NTM: variants seen among roughly 807,000 people sequenced by gnomAD.
NTM encodes the protein neurotrimin.
Under a neutral mutation model 42.1 loss-of-function variants are expected in NTM, and 13 were observed. That is an observed-to-expected ratio of 0.31 (90% CI 0.20 to 0.49). The LOEUF is 0.49. Among genes scored for constraint, NTM ranks in the 20% least tolerant of loss-of-function variants. The pLI, the probability that NTM is intolerant of heterozygous loss-of-function variation, is 0.99. For missense variants in NTM, 373 were observed against 452.8 expected (o/e 0.82, Z 1.60); for synonymous variants, 187 against 179.2 (o/e 1.04, Z -0.35).
chr11:131,562,232 G>C (rs1046468527), intron 1 of NTM, among the ~76,000 whole-genome samples: 3 of 152,106 alleles, frequency 2.0e-5, no homozygotes, highest in African/African-American at 7.2e-5. Context: ...CATCCGCAGT[G>C]GGGGAGGTGA....
At chr11:131,441,654 T>C (rs974045093) in intron 1 of NTM, among the ~76,000 whole-genome samples, 9 of 152,170 alleles carry the variant, frequency 5.9e-5, no homozygotes, top group African/African-American at 2.2e-4. Context: ...CAAACCCATA[T>C]GAATGAATTT....
chr11:132,075,883 G>T (rs1466923931), intron 2 of NTM, among the ~76,000 whole-genome samples: 1 of 152,152 alleles, frequency 6.6e-6, no homozygotes, highest in Non-Finnish European at 1.5e-5. Context: ...AAAATTGGCT[G>T]AAAATCTAAT....
chr11:132,118,500 C>T (rs1277835061), intron 2 of NTM, among the ~76,000 whole-genome samples: 1 of 152,232 alleles, frequency 6.6e-6, no homozygotes, highest in African/African-American at 2.4e-5. Flanking sequence ...CGCAATCGCA[C>T]AGCACATAAA....
At chr11:131,842,091 A>C (rs1527774) in intron 1 of NTM, among the ~76,000 whole-genome samples, 7,024 of 152,310 alleles carry the variant, frequency 0.046, 539 homozygotes, top group African/African-American at 0.16. Context: ...GCACCTTGAG[A>C]GAACCTCAGT....
At chr11:131,482,904 G>A (rs12221635) in intron 1 of NTM, among the ~76,000 whole-genome samples, 4,176 of 152,228 alleles carry the variant, frequency 0.027, 169 homozygotes, top group East Asian at 0.19. Context: ...TGGGTCCTGG[G>A]AAAAAGGAAG....
intron 1 of NTM, among the ~76,000 whole-genome samples, chr11:131,690,935 C>G (rs974844943): frequency 6.6e-6 from 1 of 152,174 alleles, no homozygotes; most frequent in Non-Finnish European, 1.5e-5. Context: ...CTGCCTTGAT[C>G]GAAACCCAGG....
chr11:132,200,824 G>A (rs774682471), intron 3 of NTM, among the ~76,000 whole-genome samples: 4 of 152,138 alleles, frequency 2.6e-5, no homozygotes, highest in Non-Finnish European at 4.4e-5. Context: ...TATTACCTGA[G>A]TATCTCTTAA....
At chr11:131,824,958 G>A (rs2041956286) in intron 1 of NTM, among the ~76,000 whole-genome samples, 1 of 152,166 alleles carries the variant, frequency 6.6e-6, no homozygotes, top group Admixed American at 6.5e-5. Context: ...GTTTGCTAGG[G>A]CTGCTGTAGT....
At chr11:132,311,042 G>A (rs1463972593) in intron 6 of NTM, among the ~76,000 whole-genome samples, 1 of 152,180 alleles carries the variant, frequency 6.6e-6, no homozygotes, top group African/African-American at 2.4e-5. Flanking sequence ...GGTGTATGTG[G>A]GGTGGAGTAA....
intron 1 of NTM, among the ~76,000 whole-genome samples, chr11:131,468,541 T>C (rs1200160731): frequency 1.3e-5 from 2 of 152,248 alleles, no homozygotes; most frequent in East Asian, 1.9e-4. Flanking sequence ...TTTGGTTTTT[T>C]TGTGAGTTTT....
At chr11:132,016,123 T>C (rs1022958035) in intron 2 of NTM, among the ~76,000 whole-genome samples, 2 of 151,466 alleles carry the variant, frequency 1.3e-5, no homozygotes, top group African/African-American at 4.8e-5. Context: ...CACGCAAGGG[T>C]GTTGAATTTT....
intron 8 of NTM, among the ~76,000 whole-genome samples, chr11:132,331,292 G>A (rs1353632209): frequency 1.3e-5 from 2 of 152,304 alleles, no homozygotes; most frequent in East Asian, 3.9e-4. Flanking sequence ...AAGGTGTTGT[G>A]ATAGCTTTCC....
intron 1 of NTM, among the ~76,000 whole-genome samples, chr11:131,500,554 T>TATATATATATATATATATATAC: frequency 1.4e-5 from 1 of 72,808 alleles, no homozygotes; most frequent in South Asian, 4.6e-4. Context: ...TATATATATA[T>TATATATATATATATATATATAC]ATATATATAT....
At chr11:132,224,088 G>A (rs1270438036) in intron 4 of NTM, among the ~76,000 whole-genome samples, 1 of 152,228 alleles carries the variant, frequency 6.6e-6, no homozygotes, top group Non-Finnish European at 1.5e-5. Context: ...AGACCAGCAG[G>A]AGCAGGGCTA....
At chr11:132,316,872 T>C (rs2095442388) in intron 7 of NTM, among the ~76,000 whole-genome samples, 1 of 152,182 alleles carries the variant, frequency 6.6e-6, no homozygotes, top group South Asian at 2.1e-4. Context: ...GTTAGGGAAT[T>C]TTCCATGTCA....
intron 7 of NTM, among the ~76,000 whole-genome samples, chr11:132,323,214 C>T (rs1367595274): frequency 6.7e-6 from 1 of 150,162 alleles, no homozygotes; most frequent in African/African-American, 2.5e-5. Flanking sequence ...ACACAAAAAA[C>T]CCTTCAAAAA....
rs947984962 is a variant in NTM at position 131,743,314 on chromosome 11, T to A, written c.83-168250T>A. On this transcript the variant is annotated intron_variant, in intron 1 of 8. Coordinates refer to ENST00000683400, the MANE Select transcript of NTM (RefSeq NM_001352005.2). Reference sequence around the variant, plus strand: ...CAGTGTCTGGTAGTTATTTAAGAAATAATTTTGATAGAGATAATATAGAAG... The same window carrying A: ...CAGTGTCTGGTAGTTATTTAAGAAAAAATTTTGATAGAGATAATATAGAAG... Among the ~76,000 whole-genome samples, 77 of 152,038 alleles carry A rather than the reference T, an allele frequency of 5.1e-4. 1 individual carries two copies. The highest frequency in any genetic ancestry group is 9.0e-4 in the Non-Finnish European group (61 of 67,984).
At chr11:131,487,325 A>G (rs1041907729) in intron 1 of NTM, among the ~76,000 whole-genome samples, 1 of 152,224 alleles carries the variant, frequency 6.6e-6, no homozygotes, top group Non-Finnish European at 1.5e-5. Context: ...TAAGTTCCAT[A>G]TTCAGGACCC....
intron 1 of NTM, chr11:131,794,441 T>C: frequency 5.1e-6 from 5 of 981,884 alleles, no homozygotes; most frequent in Non-Finnish European, 6.0e-6. Flanking sequence ...AAGCGAATGC[T>C]GTCACATGAG....
Sources: allele counts gnomAD v4.1 joint callset (sites outside exome capture counted in the v4.1 genomes callset), GRCh38; gene constraint gnomAD v4.1.1; transcripts MANE v1.5; gene names NCBI Gene and HGNC (gene_info 2026-07-23, HGNC 2026-07-21).